TMEM131L: variants seen among roughly 807,000 people sequenced by gnomAD.
TMEM131L encodes the protein transmembrane protein 131-like.
A neutral mutation model predicts 192.2 loss-of-function variants in TMEM131L; 54 were observed. The ratio of observed to expected loss-of-function variants is 0.28; its 90% CI spans 0.23 to 0.35. The LOEUF (loss-of-function observed/expected upper bound fraction) is 0.35, where lower values mean the gene tolerates loss of function less well. Ranked by LOEUF, TMEM131L falls within the 10% of genes least tolerant of loss-of-function variation. TMEM131L has a pLI of 1.00. For missense variants in TMEM131L, 1,888 were observed against 1,972.9 expected (o/e 0.96, Z 0.82); for synonymous variants, 701 against 704.9 (o/e 0.99, Z 0.09).
chr4:153,559,922 A>T (rs576449683), intron 7 of TMEM131L, among the ~76,000 whole-genome samples: 3 of 152,014 alleles, frequency 2.0e-5, no homozygotes, highest in Non-Finnish European at 4.4e-5. Flanking sequence ...TCTCTAGTTC[A>T]TGGCCACAAG....
Position 153,566,175 on chromosome 4 carries a change from G to T in TMEM131L, c.660+7807G>T, listed in dbSNP as rs1192362759. On this transcript the variant is annotated intron_variant, in intron 7 of 34. Coordinates refer to ENST00000409959, the MANE Select transcript of TMEM131L (RefSeq NM_001131007.2). ...TTTGAGACAAGAGTCTCACTCTGTC[G>T]CCCAGGCTGGAGTGCAGTGGCGCAA... is the stretch of plus-strand genomic sequence containing the variant. Among the ~76,000 whole-genome samples, 7 of 150,122 alleles carry T rather than the reference G, an allele frequency of 4.7e-5. 1 individual carries two copies. The East Asian group carries it at 1.4e-3, about 29-fold the overall frequency.
intron 19 of TMEM131L, among the ~76,000 whole-genome samples, chr4:153,594,941 A>G (rs1411441304): frequency 1.3e-5 from 2 of 152,214 alleles, no homozygotes; most frequent in African/African-American, 2.4e-5. Flanking sequence ...TGAATCATGT[A>G]TAGCTTGAAA....
rs1731893749 is a variant in TMEM131L, at chr4:153,602,246, T to C, written c.2361T>C (p.Ile787=). The C allele has an allele frequency of 6.2e-7, 1 of 1,613,550 alleles. No individual in the cohort carries two copies. Among genetic ancestry groups the C allele is most frequent in the Admixed American group, 1.7e-5 (1 of 59,846 alleles). The stretch of plus-strand genomic sequence containing the variant: ...CTATAACTGTTTCGTCTCTGAAAAT[T>C]AATGGGTATAACTGCCAAGGTTATG... ...PLPITVSSLK[I]NGYNCQGYGF... The change falls in exon 22 of 35, where the codon ATT becomes ATC. Residue 787 remains isoleucine (I), a synonymous_variant. Transcript: ENST00000409959.
chr4:153,566,326 G>T (rs997532604), intron 7 of TMEM131L, among the ~76,000 whole-genome samples: 2 of 151,876 alleles, frequency 1.3e-5, no homozygotes, highest in Admixed American at 6.6e-5. Flanking sequence ...TAGTAGAGAC[G>T]GGGTTTCACC....
At chr4:153,616,611 A>G (rs550071989) in intron 26 of TMEM131L, among the ~76,000 whole-genome samples, 1 of 152,350 alleles carries the variant, frequency 6.6e-6, no homozygotes, top group African/African-American at 2.4e-5. Flanking sequence ...TTCCCTTAGA[A>G]AAGTAATTCA....
At chr4:153,598,506 A>G (rs13118469) in intron 20 of TMEM131L, 84 bp from the exon 21 acceptor site, 362,163 of 1,156,798 alleles carry the variant, frequency 0.31, 59,446 homozygotes, top group Non-Finnish European at 0.34. Context: ...AATATTCTTG[A>G]TAACTGGGAA....
intron 3 of TMEM131L, among the ~76,000 whole-genome samples, chr4:153,475,497 G>C (rs1012510262): frequency 1.3e-5 from 2 of 152,188 alleles, no homozygotes; most frequent in Non-Finnish European, 2.9e-5. Flanking sequence ...ACATCAACCA[G>C]TTGGGGGGAA....
chr4:153,529,214 G>C (rs181835504), intron 3 of TMEM131L, among the ~76,000 whole-genome samples: 1 of 152,272 alleles, frequency 6.6e-6, no homozygotes, highest in African/African-American at 2.4e-5. Context: ...TCCATAGAGA[G>C]TCAGTTGTAC....
intron 5 of TMEM131L, among the ~76,000 whole-genome samples, chr4:153,556,741 C>T (rs565221623): frequency 6.6e-6 from 1 of 152,288 alleles, no homozygotes; most frequent in East Asian, 1.9e-4. Context: ...CAGCTCCAGT[C>T]TGAAGCGAAA....
At chr4:153,483,922 A>G (rs1346966893) in intron 3 of TMEM131L, among the ~76,000 whole-genome samples, 1 of 152,168 alleles carries the variant, frequency 6.6e-6, no homozygotes, top group Non-Finnish European at 1.5e-5. Flanking sequence ...GAGAAATGAA[A>G]GTACTTTTTG....
intron 3 of TMEM131L, among the ~76,000 whole-genome samples, chr4:153,508,678 ATTTT>A (rs555033353): frequency 2.2e-5 from 3 of 139,326 alleles, no homozygotes; most frequent in African/African-American, 2.6e-5. Flanking sequence ...TTTTTTTTTA[ATTTT>A]TTTTTTTTTT....
intron 3 of TMEM131L, among the ~76,000 whole-genome samples, chr4:153,476,652 G>C (rs951698682): frequency 6.6e-6 from 1 of 151,958 alleles, no homozygotes; most frequent in South Asian, 2.1e-4. Context: ...AGCTGAGATC[G>C]CACCACTGCA....
intron 7 of TMEM131L, among the ~76,000 whole-genome samples, chr4:153,568,244 T>G (rs1032884341): frequency 1.3e-5 from 2 of 152,172 alleles, no homozygotes; most frequent in African/African-American, 4.8e-5. Flanking sequence ...TCATGAAGAC[T>G]CTAGAAAGAA....
chr4:153,524,620 T>C (rs1252530423), intron 3 of TMEM131L, among the ~76,000 whole-genome samples: 2 of 152,202 alleles, frequency 1.3e-5, no homozygotes, highest in Non-Finnish European at 2.9e-5. Flanking sequence ...ATGGGATTGC[T>C]TGGTAGGAGG....
intron 7 of TMEM131L, among the ~76,000 whole-genome samples, chr4:153,577,390 A>T (rs1458296430): frequency 6.6e-6 from 1 of 152,168 alleles, no homozygotes; most frequent in South Asian, 2.1e-4. Flanking sequence ...GCAGAGGTGG[A>T]TGCAGGGAGA....
chr4:153,545,268 T>C (rs1580181035), intron 3 of TMEM131L, among the ~76,000 whole-genome samples: 1 of 150,628 alleles, frequency 6.6e-6, no homozygotes, highest in East Asian at 2.0e-4. Context: ...GAAATTTCTC[T>C]TGTATCAGCC....
At chr4:153,593,652 G>A in intron 18 of TMEM131L, 147 bp from the exon 19 acceptor site, 1 of 604,412 alleles carries the variant, frequency 1.7e-6, no homozygotes, top group Non-Finnish European at 3.1e-6. Context: ...TGGAATGTCG[G>A]GTGGACAGGA....
chr4:153,544,162 G>A (rs1298411179), intron 3 of TMEM131L, among the ~76,000 whole-genome samples: 1 of 152,180 alleles, frequency 6.6e-6, no homozygotes, highest in African/African-American at 2.4e-5. Flanking sequence ...CAGCTAGCTA[G>A]ATGTGGGGGC....
chr4:153,592,945 C>G (rs1043924740), intron 18 of TMEM131L, among the ~76,000 whole-genome samples: 4 of 152,120 alleles, frequency 2.6e-5, no homozygotes, highest in Non-Finnish European at 4.4e-5. Context: ...GTCCAATTGG[C>G]CCTCCATATC....
Sources: allele counts gnomAD v4.1 joint callset (sites outside exome capture counted in the v4.1 genomes callset), GRCh38; gene constraint gnomAD v4.1.1; transcripts MANE v1.5; gene names NCBI Gene and HGNC (gene_info 2026-07-23, HGNC 2026-07-21).